The following ANO10 variants were observed in gnomAD, a reference collection of about 807,000 sequenced individuals.
ANO10 encodes the protein anoctamin 10.
A neutral mutation model predicts 74.7 loss-of-function variants in ANO10; 77 were observed. The ratio of observed to expected loss-of-function variants is 1.03; its 90% CI spans 0.86 to 1.25. The LOEUF is 1.25. Ranked by LOEUF, ANO10 falls within the 50% of genes most tolerant of loss-of-function variation. The pLI, the probability that ANO10 is intolerant of heterozygous loss-of-function variation, is 0.00. For missense variants in ANO10, 721 were observed against 778.1 expected (o/e 0.93, Z 0.87); for synonymous variants, 279 against 284.9 (o/e 0.98, Z 0.21).
At chr3:43,384,758 C>T (rs2092068406) in intron 12 of ANO10, among the ~76,000 whole-genome samples, 1 of 152,160 alleles carries the variant, frequency 6.6e-6, no homozygotes, top group African/African-American at 2.4e-5. Context: ...TCACTTTATA[C>T]AAAAATCAAC....
intron 1 of ANO10, among the ~76,000 whole-genome samples, chr3:43,673,905 T>C (rs906099713): frequency 1.3e-5 from 2 of 152,146 alleles, no homozygotes; most frequent in Admixed American, 6.5e-5. Context: ...GAACTTGAAA[T>C]TGTACAATCA....
intron 11 of ANO10, among the ~76,000 whole-genome samples, chr3:43,535,812 A>G (rs1041916153): frequency 1.3e-5 from 2 of 152,200 alleles, no homozygotes; most frequent in African/African-American, 4.8e-5. Context: ...AGTAACTATG[A>G]TATCAGTTGA....
At chr3:43,582,997 G>A (rs1242222962) in intron 4 of ANO10, among the ~76,000 whole-genome samples, 2 of 152,016 alleles carry the variant, frequency 1.3e-5, no homozygotes, top group Non-Finnish European at 2.9e-5. Context: ...GTTTTTTAAC[G>A]GAACTGACTT....
chr3:43,653,387 A>C (rs2083810718), intron 1 of ANO10, among the ~76,000 whole-genome samples: 1 of 152,182 alleles, frequency 6.6e-6, no homozygotes, highest in Non-Finnish European at 1.5e-5. Context: ...CTTTCCAACC[A>C]CTATATTGGT....
chr3:43,538,412 T>C (rs2078810104), intron 11 of ANO10, among the ~76,000 whole-genome samples: 1 of 152,368 alleles, frequency 6.6e-6, no homozygotes. Flanking sequence ...TTTATTTTCT[T>C]TGTATCTCCA....
At chr3:43,600,873 C>T (rs918657533) in intron 2 of ANO10, among the ~76,000 whole-genome samples, 6 of 151,826 alleles carry the variant, frequency 4.0e-5, no homozygotes, top group Non-Finnish European at 7.4e-5. Flanking sequence ...TATAAAAGTG[C>T]ACCAAATAAA....
At chr3:43,606,499 G>T (rs1418276323) in intron 1 of ANO10, among the ~76,000 whole-genome samples, 1 of 152,120 alleles carries the variant, frequency 6.6e-6, no homozygotes, top group Non-Finnish European at 1.5e-5. Flanking sequence ...AGATCACAAA[G>T]AGTCAGCCTA....
intron 12 of ANO10, among the ~76,000 whole-genome samples, chr3:43,384,374 A>G (rs946608229): frequency 4.6e-5 from 7 of 152,202 alleles, no homozygotes; most frequent in African/African-American, 1.7e-4. Context: ...TACAAATTCA[A>G]TGCAATTTCC....
rs139365369 is a variant in ANO10 at position 43,392,485 on chromosome 3, T to C, written c.1915-25511A>G. On this transcript the variant is annotated intron_variant, in intron 12 of 12. Coordinates refer to ENST00000292246, the MANE Select transcript of ANO10 (RefSeq NM_018075.5). ...CAGGAACTGTAGAAAGCTCTTTTTA[T>C]TTAGAATGGCTGCAATAATTCCATT... Among the ~76,000 whole-genome samples, 220 of 152,362 alleles carry C rather than the reference T, an allele frequency of 1.4e-3. 1 individual carries two copies. The highest frequency in any genetic ancestry group is 4.8e-3 in the African/African-American group (201 of 41,582).
intron 11 of ANO10, among the ~76,000 whole-genome samples, chr3:43,466,394 A>AAAAG: frequency 6.7e-6 from 1 of 149,992 alleles, no homozygotes; most frequent in Non-Finnish European, 1.5e-5. Flanking sequence ...AAAACAAACA[A>AAAAG]AAAAACCAGT....
At chr3:43,510,319 T>C (rs2077461373) in intron 11 of ANO10, among the ~76,000 whole-genome samples, 1 of 151,444 alleles carries the variant, frequency 6.6e-6, no homozygotes, top group Admixed American at 6.6e-5. Flanking sequence ...TAATCCTGCC[T>C]ACTGGGGAGG....
At chr3:43,447,766 C>T (rs1158436380) in intron 11 of ANO10, among the ~76,000 whole-genome samples, 1 of 152,060 alleles carries the variant, frequency 6.6e-6, no homozygotes, top group East Asian at 1.9e-4. Context: ...TGCTGTATAC[C>T]TGTCATTCTC....
Position 43,629,869 on chromosome 3 carries a change from C to G in ANO10, c.-11-24006G>C, listed in dbSNP as rs115018320. 5.3e-3 allele frequency among the ~76,000 whole-genome samples: 814 copies of G among 152,188 alleles called. 8 individuals carry two copies. The highest frequency in any genetic ancestry group is 0.018 in the African/African-American group (759 of 41,508). ...CTGACATTCAGGAGAGATGCCAAAG[C>G]TAGAGATAAGAATTTGCAAGTTATC... On this transcript the variant is annotated intron_variant, in intron 1 of 3. Transcript: ENST00000413397.
chr3:43,485,979 A>G (rs2076471193), intron 11 of ANO10: 2 of 245,214 alleles, frequency 8.2e-6, no homozygotes, highest in Admixed American at 5.2e-5. Flanking sequence ...ACCCCAAAGT[A>G]TATTTCCTTG....
At chr3:43,567,189 G>C (rs2080409115) in intron 7 of ANO10, among the ~76,000 whole-genome samples, 2 of 152,140 alleles carry the variant, frequency 1.3e-5, no homozygotes, top group African/African-American at 2.4e-5. Flanking sequence ...TATGTGAAAA[G>C]ACCAAATCTA....
At chr3:43,554,067 T>G (rs2079614416) in intron 10 of ANO10, among the ~76,000 whole-genome samples, 1 of 152,190 alleles carries the variant, frequency 6.6e-6, no homozygotes, top group Non-Finnish European at 1.5e-5. Context: ...TATATAAGGC[T>G]GTTTTAAAAT....
At chr3:43,388,473 C>T (rs1559499575) in intron 12 of ANO10, among the ~76,000 whole-genome samples, 2 of 152,132 alleles carry the variant, frequency 1.3e-5, no homozygotes, top group East Asian at 3.9e-4. Context: ...TTCCTGACCA[C>T]ATTCCGAAGG....
intron 1 of ANO10, among the ~76,000 whole-genome samples, chr3:43,677,343 G>GT (rs2149580043): frequency 6.6e-6 from 1 of 152,310 alleles, no homozygotes; most frequent in South Asian, 2.1e-4. Context: ...GAGGTCAGGA[G>GT]TTTGAGACCA....
chr3:43,676,954 TAACA>T (rs568382776), intron 1 of ANO10, among the ~76,000 whole-genome samples: 1 of 152,054 alleles, frequency 6.6e-6, no homozygotes, highest in Non-Finnish European at 1.5e-5. Context: ...AAAACAAAAT[TAACA>T]AACTACAGTA....
Sources: allele counts gnomAD v4.1 joint callset (sites outside exome capture counted in the v4.1 genomes callset), GRCh38; gene constraint gnomAD v4.1.1; transcripts MANE v1.5; gene names NCBI Gene and HGNC (gene_info 2026-07-23, HGNC 2026-07-21).